The following DTNB variants were observed in gnomAD, a reference collection of about 807,000 sequenced individuals.
DTNB encodes dystrobrevin beta.
Under a neutral mutation model 90.7 loss-of-function variants are expected in DTNB, and 63 were observed. The ratio of observed to expected loss-of-function variants is 0.69; its 90% CI spans 0.57 to 0.86. The LOEUF (loss-of-function observed/expected upper bound fraction) is 0.86, where lower values mean the gene tolerates loss of function less well. Ranked by LOEUF, DTNB falls within the 40% of genes least tolerant of loss-of-function variation. The pLI is 0.00. For missense variants in DTNB, 744 were observed against 807.1 expected (o/e 0.92, Z 0.95); for synonymous variants, 277 against 286.7 (o/e 0.97, Z 0.34).
chr2:25,639,182 T>C lies in DTNB; in HGVS notation c.68-88A>G, dbSNP rs745666371. On this transcript the variant is annotated intron_variant, in intron 2 of 20. Coordinates refer to ENST00000406818, the MANE Select transcript of DTNB (RefSeq NM_021907.5). Reference sequence around the variant, plus strand: ...ATGACTCCATTCTATTGTATTGTCATAGTATACCAGTCAGCTAGGACTTCT... The same window carrying C: ...ATGACTCCATTCTATTGTATTGTCACAGTATACCAGTCAGCTAGGACTTCT... 5.0e-4 allele frequency: 652 copies of C among 1,292,542 alleles called. 2 individuals are homozygous for C. The highest frequency in any genetic ancestry group is 6.6e-4 in the Non-Finnish European group (631 of 950,794). The allele number at this position is 1,292,542 out of a possible 1,614,324, so 80.1% of individuals were successfully genotyped here.
chr2:25,641,337 C>CAG (rs1559355205), intron 2 of DTNB, among the ~76,000 whole-genome samples: 2 of 152,212 alleles, frequency 1.3e-5, no homozygotes, highest in African/African-American at 2.4e-5. Context: ...ATTGTGCCAA[C>CAG]ATTCTACTAA....
chr2:25,616,864 G>A (rs2070756493), intron 4 of DTNB, among the ~76,000 whole-genome samples: 1 of 147,862 alleles, frequency 6.8e-6, no homozygotes, highest in African/African-American at 2.5e-5. Context: ...CCCAGGAGGC[G>A]GAGCTTGCAG....
At chr2:25,603,620 C>T (rs1386959792) in intron 5 of DTNB, among the ~76,000 whole-genome samples, 1 of 151,044 alleles carries the variant, frequency 6.6e-6, no homozygotes, top group Non-Finnish European at 1.5e-5. Flanking sequence ...AGGAGAAAAT[C>T]ATAGGAAAAA....
At chr2:25,600,950 T>G (rs1184494203) in intron 5 of DTNB, among the ~76,000 whole-genome samples, 1 of 152,252 alleles carries the variant, frequency 6.6e-6, no homozygotes, top group Admixed American at 6.5e-5. Flanking sequence ...CATGTCTATT[T>G]GCTTTAATGA....
chr2:25,481,223 C>T (rs1195371313), intron 10 of DTNB, among the ~76,000 whole-genome samples: 12 of 151,216 alleles, frequency 7.9e-5, no homozygotes, highest in Middle Eastern at 3.2e-3. Flanking sequence ...CATGGTGAAA[C>T]CCAATCTCTA....
At chr2:25,455,536 A>C in intron 10 of DTNB, 42 bp from the exon 11 acceptor site, 1 of 1,503,922 alleles carries the variant, frequency 6.6e-7, no homozygotes, top group African/African-American at 1.4e-5. Context: ...TGACACAAAC[A>C]CATACAGAGG....
intron 8 of DTNB, among the ~76,000 whole-genome samples, chr2:25,561,838 A>G (rs1202283847): frequency 6.6e-6 from 1 of 152,210 alleles, no homozygotes; most frequent in African/African-American, 2.4e-5. Context: ...TGAACCAATT[A>G]AATTTGTTTT....
chr2:25,551,747 A>G (rs1381731382), intron 8 of DTNB, among the ~76,000 whole-genome samples: 2 of 152,250 alleles, frequency 1.3e-5, no homozygotes, highest in Non-Finnish European at 2.9e-5. Context: ...TGCTTGGTCA[A>G]CCATCTTGAA....
chr2:25,386,801 G>A (rs917752096), intron 18 of DTNB, among the ~76,000 whole-genome samples: 1 of 152,178 alleles, frequency 6.6e-6, no homozygotes, highest in African/African-American at 2.4e-5. Context: ...TGAAATCAGA[G>A]CCTGGTCACG....
chr2:25,471,390 T>C (rs1361488257), intron 10 of DTNB, among the ~76,000 whole-genome samples: 1 of 146,934 alleles, frequency 6.8e-6, no homozygotes, highest in East Asian at 2.0e-4. Context: ...GAAAAATCTT[T>C]TTTTTTTTTT....
intron 9 of DTNB, among the ~76,000 whole-genome samples, chr2:25,495,956 T>C (rs1018679927): frequency 6.6e-6 from 1 of 152,244 alleles, no homozygotes; most frequent in Non-Finnish European, 1.5e-5. Context: ...CGTAGCAATT[T>C]AGCATAGCCA....
At chr2:25,633,417 C>T (rs1017712147) in intron 3 of DTNB, among the ~76,000 whole-genome samples, 1 of 152,120 alleles carries the variant, frequency 6.6e-6, no homozygotes, top group Non-Finnish European at 1.5e-5. Context: ...CCGCCAGCCT[C>T]GGCCTCTCGA....
At chr2:25,574,048 G>GA (rs753588622) in intron 8 of DTNB, among the ~76,000 whole-genome samples, 2 of 152,058 alleles carry the variant, frequency 1.3e-5, no homozygotes, top group African/African-American at 2.4e-5. Flanking sequence ...TCTTCTTCTG[G>GA]AAAGACACCT....
intron 5 of DTNB, 131 bp downstream of exon 5, chr2:25,607,105 A>C: frequency 1.1e-6 from 1 of 920,702 alleles, no homozygotes; most frequent in Non-Finnish European, 1.6e-6. Context: ...ACTGTGAGCC[A>C]GCTGCTGCAG....
intron 1 of DTNB, among the ~76,000 whole-genome samples, chr2:25,672,487 T>G (rs542200152): frequency 6.6e-6 from 1 of 152,244 alleles, no homozygotes; most frequent in East Asian, 1.9e-4. Context: ...TTTCCCCATC[T>G]AAGAGCCCCC....
chr2:25,524,600 T>C (rs963340017), intron 9 of DTNB, among the ~76,000 whole-genome samples: 2 of 152,140 alleles, frequency 1.3e-5, no homozygotes, highest in African/African-American at 4.8e-5. Flanking sequence ...CACAGAAGGC[T>C]ATTCAGGCTT....
intron 3 of DTNB, among the ~76,000 whole-genome samples, chr2:25,636,652 T>C (rs1183748379): frequency 6.6e-6 from 1 of 152,172 alleles, no homozygotes; most frequent in African/African-American, 2.4e-5. Flanking sequence ...AGAAATATAT[T>C]TAAATCATCA....
intron 2 of DTNB, among the ~76,000 whole-genome samples, chr2:25,644,619 G>C (rs1284800130): frequency 1.3e-5 from 2 of 152,132 alleles, no homozygotes; most frequent in African/African-American, 4.8e-5. Flanking sequence ...TGGGCATGGT[G>C]GTGAGCACCT....
intron 2 of DTNB, chr2:25,650,293 CTG>C: frequency 2.1e-6 from 2 of 968,772 alleles, no homozygotes; most frequent in South Asian, 4.8e-5. Context: ...AAGTCAGGGA[CTG>C]TGTTTTGTTC....
Sources: gnomAD v4.1 joint callset for allele counts (sites outside exome capture counted in the v4.1 genomes callset) on GRCh38, gnomAD v4.1.1 for gene constraint, MANE v1.5 for transcripts, NCBI Gene and HGNC (gene_info 2026-07-23, HGNC 2026-07-21) for gene names.